The following CTNNA2 variants were observed in gnomAD, a reference collection of about 807,000 sequenced individuals.
CTNNA2 encodes the protein catenin alpha-2.
In CTNNA2, 42 loss-of-function variants were observed where a neutral mutation model predicts 101.0. That is an observed-to-expected ratio of 0.42 (90% CI 0.32 to 0.54). CTNNA2 has a LOEUF of 0.54. Among genes scored for constraint, CTNNA2 ranks in the 20% least tolerant of loss-of-function variants. The pLI, the probability that CTNNA2 is intolerant of heterozygous loss-of-function variation, is 0.14. For synonymous variants in CTNNA2, 450 were observed against 456.4 expected, an observed-to-expected ratio of 0.99 and a Z score of 0.18; for missense variants, 871 against 1,223.1, an observed-to-expected ratio of 0.71 and a Z score of 4.29.
intron 15 of CTNNA2, among the ~76,000 whole-genome samples, chr2:80,600,400 TAA>T (rs554157591): frequency 6.6e-6 from 1 of 151,320 alleles, no homozygotes; most frequent in African/African-American, 2.4e-5. Context: ...TTAAAAACTG[TAA>T]AAAAAAGAAA....
In CTNNA2 at chr2:80,406,700, G is replaced by A. The variant is rs1031337472; in HGVS notation, c.1138-12749G>A. On this transcript the variant is annotated intron_variant, in intron 8 of 18. Transcript: ENST00000402739. ...AAATTAGCCGGGTGTGGTGGCGGGC[G>A]CCTGTAGTCCCAGCTACTCGGGAGG... 1.1e-4 allele frequency among the ~76,000 whole-genome samples: 17 copies of A among 151,618 alleles called. No individual in the cohort carries two copies. The East Asian group carries it at 2.2e-3, about 19-fold the overall frequency.
chr2:80,162,519 C>G, intron 7 of CTNNA2: 1 of 1,602,986 alleles, frequency 6.2e-7, no homozygotes, highest in Non-Finnish European at 8.5e-7. Context: ...TGGCTCCAGC[C>G]ATCATGATTC....
At chr2:79,732,910 A>AAAACAAT (rs1232860142) in intron 2 of CTNNA2, among the ~76,000 whole-genome samples, 3 of 152,092 alleles carry the variant, frequency 2.0e-5, no homozygotes, top group African/African-American at 7.2e-5. Flanking sequence ...CAAAAAACAA[A>AAAACAAT]AAACAAAATG....
intron 3 of CTNNA2, among the ~76,000 whole-genome samples, chr2:79,316,164 T>G (rs1203416971): frequency 1.3e-5 from 2 of 152,080 alleles, no homozygotes; most frequent in Non-Finnish European, 2.9e-5. Flanking sequence ...TGTATGTGGA[T>G]AGATATCAGG....
At chr2:79,193,254 C>G (rs1393959394) in intron 1 of CTNNA2, among the ~76,000 whole-genome samples, 4 of 152,108 alleles carry the variant, frequency 2.6e-5, no homozygotes, top group Non-Finnish European at 5.9e-5. Flanking sequence ...CTAGGTCATG[C>G]TCTTTATACA....
At chr2:79,335,531 G>T (rs1224267001) in intron 3 of CTNNA2, among the ~76,000 whole-genome samples, 1 of 152,028 alleles carries the variant, frequency 6.6e-6, no homozygotes, top group Non-Finnish European at 1.5e-5. Context: ...TTTCCTTCCA[G>T]GTAAAATTTA....
chr2:80,587,002 C>T (rs2149730372), intron 14 of CTNNA2, among the ~76,000 whole-genome samples: 1 of 152,228 alleles, frequency 6.6e-6, no homozygotes, highest in African/African-American at 2.4e-5. Flanking sequence ...GTGACCCTTG[C>T]CCCACTTGGT....
intron 7 of CTNNA2, among the ~76,000 whole-genome samples, chr2:80,043,507 A>C (rs1256364250): frequency 1.3e-5 from 2 of 152,062 alleles, no homozygotes; most frequent in Non-Finnish European, 2.9e-5. Flanking sequence ...CCCTGCATTC[A>C]TGTTTTCATA....
intron 7 of CTNNA2, among the ~76,000 whole-genome samples, chr2:80,039,349 T>C (rs1695882254): frequency 6.6e-6 from 1 of 152,160 alleles, no homozygotes; most frequent in Admixed American, 6.5e-5. Context: ...ATGATTTTAC[T>C]TTGGCTAAAA....
At chr2:80,224,772 G>T (rs1708776997) in intron 7 of CTNNA2, among the ~76,000 whole-genome samples, 1 of 152,042 alleles carries the variant, frequency 6.6e-6, no homozygotes, top group African/African-American at 2.4e-5. Context: ...TGCTACAAGA[G>T]ACCTACCTCT....
intron 2 of CTNNA2, among the ~76,000 whole-genome samples, chr2:79,733,052 T>C (rs1687301859): frequency 6.6e-6 from 1 of 152,128 alleles, no homozygotes; most frequent in Admixed American, 6.6e-5. Flanking sequence ...TCACATTGTG[T>C]CCACAGGAAA....
intron 3 of CTNNA2, among the ~76,000 whole-genome samples, chr2:79,792,980 A>G (rs1398837966): frequency 3.9e-5 from 6 of 152,242 alleles, no homozygotes; most frequent in Non-Finnish European, 8.8e-5. Flanking sequence ...TACTTAACAG[A>G]AATCACTGGA....
intron 9 of CTNNA2, among the ~76,000 whole-genome samples, chr2:80,446,067 T>C (rs917032395): frequency 2.0e-5 from 3 of 152,204 alleles, no homozygotes; most frequent in African/African-American, 7.2e-5. Flanking sequence ...ATGTGTTCAA[T>C]AAATGTATGG....
chr2:80,297,403 AG>A (rs1462880558), intron 7 of CTNNA2, among the ~76,000 whole-genome samples: 2 of 152,198 alleles, frequency 1.3e-5, no homozygotes, highest in African/African-American at 4.8e-5. Context: ...TAAGGTTGCT[AG>A]CACCTCCCTC....
intron 2 of CTNNA2, among the ~76,000 whole-genome samples, chr2:79,669,442 C>T (rs188959247): frequency 7.9e-5 from 12 of 152,216 alleles, no homozygotes; most frequent in African/African-American, 2.9e-4. Context: ...CACCTTTGCC[C>T]GAGTTCTTGT....
intron 9 of CTNNA2, among the ~76,000 whole-genome samples, chr2:80,542,235 T>A (rs1014913522): frequency 7.1e-6 from 1 of 140,714 alleles, no homozygotes; most frequent in African/African-American, 2.8e-5. Context: ...ATTTACTTAT[T>A]TATTTACATA....
chr2:80,470,900 C>G (rs779510561), intron 9 of CTNNA2, among the ~76,000 whole-genome samples: 1 of 152,266 alleles, frequency 6.6e-6, no homozygotes, highest in African/African-American at 2.4e-5. Flanking sequence ...CCAGTTGGGT[C>G]TCTCTAAGCA....
At chr2:79,676,148 C>G (rs1683170056) in intron 2 of CTNNA2, among the ~76,000 whole-genome samples, 1 of 152,106 alleles carries the variant, frequency 6.6e-6, no homozygotes, top group South Asian at 2.1e-4. Flanking sequence ...TATAGCCTCC[C>G]TCTCCTGGAA....
chr2:79,578,771 G>A (rs1235961427), intron 1 of CTNNA2, among the ~76,000 whole-genome samples: 3 of 152,056 alleles, frequency 2.0e-5, no homozygotes, highest in Admixed American at 6.6e-5. Flanking sequence ...CTTAACTAAA[G>A]TTTGCTATAG....
Sources: gnomAD v4.1 joint callset for allele counts (sites outside exome capture counted in the v4.1 genomes callset) on GRCh38, gnomAD v4.1.1 for gene constraint, MANE v1.5 for transcripts, NCBI Gene and HGNC (gene_info 2026-07-23, HGNC 2026-07-21) for gene names.